RCOR1: variants seen among roughly 807,000 people sequenced by gnomAD.
RCOR1 encodes the protein REST corepressor 1, also known as REST corepressor.
In RCOR1, 12 loss-of-function variants were observed where a neutral mutation model predicts 64.0. That is an observed-to-expected ratio of 0.19 (90% CI 0.12 to 0.30). The LOEUF (loss-of-function observed/expected upper bound fraction) is 0.30, where lower values mean the gene tolerates loss of function less well. Among genes scored for constraint, RCOR1 ranks in the 10% least tolerant of loss-of-function variants. The probability of loss-of-function intolerance (pLI) is 1.00; values close to 1 mark genes in which losing one functional copy is unlikely to be tolerated. For missense variants in RCOR1, 502 were observed against 621.2 expected (o/e 0.81, Z 2.04); for synonymous variants, 279 against 227.2 (o/e 1.23, Z -2.05).
intron 2 of RCOR1, among the ~76,000 whole-genome samples, chr14:102,681,675 A>G (rs1051167681): frequency 2.0e-5 from 3 of 152,242 alleles, no homozygotes; most frequent in South Asian, 4.1e-4. Flanking sequence ...GCAGAGCAGC[A>G]TACTGTAAAA....
chr14:102,629,338 AAC>A (rs1894054854), intron 2 of RCOR1, among the ~76,000 whole-genome samples: 1 of 151,926 alleles, frequency 6.6e-6, no homozygotes, highest in African/African-American at 2.4e-5. Flanking sequence ...ATCGTCATCT[AAC>A]ACACTTCCTT....
At chr14:102,598,153 A>G (rs1374481389) in intron 2 of RCOR1, among the ~76,000 whole-genome samples, 1 of 151,760 alleles carries the variant, frequency 6.6e-6, no homozygotes, top group Non-Finnish European at 1.5e-5. Context: ...GATGGGTTTC[A>G]CCATGTTGGC....
intron 2 of RCOR1, among the ~76,000 whole-genome samples, chr14:102,597,254 A>C (rs1210486949): frequency 6.6e-6 from 1 of 152,046 alleles, no homozygotes; most frequent in Non-Finnish European, 1.5e-5. Flanking sequence ...CTTAACAGGC[A>C]GCTTTTTTTC....
intron 2 of RCOR1, among the ~76,000 whole-genome samples, chr14:102,649,066 C>CAA (rs370578626): frequency 9.9e-6 from 1 of 101,256 alleles, no homozygotes; most frequent in Non-Finnish European, 2.1e-5. Flanking sequence ...GCAAAAAAAA[C>CAA]AAAAAAAAAA....
intron 2 of RCOR1, 144 bp downstream of exon 2, chr14:102,593,469 CGAG>C: frequency 1.1e-6 from 1 of 894,046 alleles, no homozygotes; most frequent in South Asian, 2.1e-5. Flanking sequence ...AGGGCGAGGA[CGAG>C]GAGGCGCACA....
chr14:102,729,690 C>T lies in RCOR1; in HGVS notation c.*3184C>T. 1 of 396,370 alleles carries T rather than the reference C, an allele frequency of 2.5e-6. No homozygotes were observed. 24.6% of individuals were successfully genotyped at this position (396,370 alleles called of 1,614,324 possible). Reference sequence around the variant, plus strand: ...ACCACAGACCACTGTTAAGTGTGCTCATTGTCACTTTAAATTTCAACGATA... The same window carrying T: ...ACCACAGACCACTGTTAAGTGTGCTTATTGTCACTTTAAATTTCAACGATA... On this transcript the variant is annotated 3_prime_UTR_variant, in exon 12 of 12. Transcript: ENST00000262241.
Position 102,707,517 on chromosome 14 carries a change from GTAGATGAGACCAC to G in RCOR1, c.660+7_660+19del. On this transcript the variant is annotated splice_donor_region_variant and intron_variant, in intron 5 of 11. Coordinates refer to ENST00000262241, the MANE Select transcript of RCOR1 (RefSeq NM_015156.4). ...TTTCATAGAATCCAACAAATGGTAA[GTAGATGAGACCAC>G]TGAGTTCTATTTTTTTTCTCCTATC... 1 of 1,597,118 alleles carries G rather than the reference GTAGATGAGACCAC, an allele frequency of 6.3e-7. No individual in the cohort carries two copies. The highest frequency in any genetic ancestry group is 1.1e-5 in the South Asian group (1 of 87,392).
intron 2 of RCOR1, among the ~76,000 whole-genome samples, chr14:102,601,775 T>C (rs7154538): frequency 0.8 from 121,126 of 152,110 alleles, 48,487 homozygotes; most frequent in Middle Eastern, 0.87. Flanking sequence ...GTAGTAGATT[T>C]CTGGTAGCTG....
At chr14:102,713,726 T>C (rs1896007326) in intron 7 of RCOR1, among the ~76,000 whole-genome samples, 1 of 152,256 alleles carries the variant, frequency 6.6e-6, no homozygotes. Flanking sequence ...GAAGAAATTA[T>C]CACTACCATT....
chr14:102,618,181 C>T (rs929047242), intron 2 of RCOR1, among the ~76,000 whole-genome samples: 1 of 151,724 alleles, frequency 6.6e-6, no homozygotes, highest in Non-Finnish European at 1.5e-5. Context: ...ACCATGTTTT[C>T]CCAGGCTGTT....
At chr14:102,688,454 GA>G (rs1348825993) in intron 3 of RCOR1, among the ~76,000 whole-genome samples, 2 of 152,198 alleles carry the variant, frequency 1.3e-5, no homozygotes, top group Non-Finnish European at 2.9e-5. Flanking sequence ...GATTTACACT[GA>G]AAAGCTCTTG....
rs1555462068 is a variant in RCOR1, at chr14:102,616,240, G to GTGTA, written c.361+22918_361+22919insATGT. ...TGTGTGTGTGTGTGTGTGTGTGTGT[G>GTGTA]TGTGTGTGTATGTGTGTGTGTGTAT... On this transcript the variant is annotated intron_variant, in intron 2 of 11. Coordinates refer to ENST00000262241, the MANE Select transcript of RCOR1 (RefSeq NM_015156.4). Among the ~76,000 whole-genome samples, 482 of 103,300 alleles carry GTGTA rather than the reference G, an allele frequency of 4.7e-3. 4 individuals are homozygous for GTGTA. The highest frequency in any genetic ancestry group is 0.023 in the East Asian group (56 of 2,426). 67.8% of individuals were successfully genotyped at this position (103,300 alleles called of 152,430 possible). A position where few individuals can be genotyped will look rare whatever the true frequency, so the allele number is the denominator to read the frequency against.
intron 6 of RCOR1, among the ~76,000 whole-genome samples, chr14:102,708,834 G>T (rs910447193): frequency 6.6e-6 from 1 of 152,120 alleles, no homozygotes; most frequent in Non-Finnish European, 1.5e-5. Flanking sequence ...TTTAGAAGGG[G>T]TGGCTCCTTT....
intron 4 of RCOR1, among the ~76,000 whole-genome samples, chr14:102,706,203 CAAAT>C (rs1895857250): frequency 9.0e-6 from 1 of 111,360 alleles, no homozygotes; most frequent in African/African-American, 3.5e-5. Context: ...ATGTACAAAA[CAAAT>C]AGCCAAATGA....
chr14:102,710,917 C>G lies in RCOR1; in HGVS notation c.780-18C>G. The stretch of plus-strand genomic sequence containing the variant: ...TTAGTACAAAATAATCATTCAGTAA[C>G]TTGTTCTTGTCTTCCAGCGAGGATG... On this transcript the variant is annotated intron_variant, in intron 6 of 11. Transcript: ENST00000262241. 3 of 1,563,678 alleles carry G rather than the reference C, an allele frequency of 1.9e-6. No homozygotes were observed. The highest frequency in any genetic ancestry group is 1.9e-5 in the Admixed American group (1 of 53,698).
chr14:102,625,697 G>A (rs945839508), intron 2 of RCOR1, among the ~76,000 whole-genome samples: 1 of 152,106 alleles, frequency 6.6e-6, no homozygotes, highest in Admixed American at 6.6e-5. Context: ...TCAAACAGAT[G>A]TTAATATTTT....
chr14:102,724,210 T>C (rs1896219699), intron 11 of RCOR1, among the ~76,000 whole-genome samples: 1 of 152,218 alleles, frequency 6.6e-6, no homozygotes, highest in Non-Finnish European at 1.5e-5. Flanking sequence ...CAGCCTTCTC[T>C]GCAAAACAAA....
chr14:102,641,348 C>G (rs1370307034), intron 2 of RCOR1, among the ~76,000 whole-genome samples: 3 of 152,100 alleles, frequency 2.0e-5, no homozygotes, highest in African/African-American at 4.8e-5. Context: ...ACCTGTAGTC[C>G]TAGCACTTTT....
intron 2 of RCOR1, among the ~76,000 whole-genome samples, chr14:102,601,966 C>G (rs1419606136): frequency 6.6e-6 from 1 of 151,900 alleles, no homozygotes; most frequent in African/African-American, 2.4e-5. Context: ...CGAGACCAGC[C>G]TGGCCAACAT....
Sources: allele counts gnomAD v4.1 joint callset (sites outside exome capture counted in the v4.1 genomes callset), GRCh38; gene constraint gnomAD v4.1.1; transcripts MANE v1.5; gene names NCBI Gene and HGNC (gene_info 2026-07-23, HGNC 2026-07-21).